ARMC9: variants seen among roughly 807,000 people sequenced by gnomAD.
ARMC9 encodes armadillo repeat containing 9.
A neutral mutation model predicts 107.0 loss-of-function variants in ARMC9; 94 were observed. The observed-to-expected ratio is 0.88, with a 90% confidence interval of 0.74 to 1.04. The LOEUF (loss-of-function observed/expected upper bound fraction) is 1.04, where lower values mean the gene tolerates loss of function less well. Ranked by LOEUF, ARMC9 falls within the 50% of genes least tolerant of loss-of-function variation. ARMC9 has a pLI of 0.00. For missense variants in ARMC9, 942 were observed against 1,030.1 expected (o/e 0.91, Z 1.17); for synonymous variants, 380 against 396.9 (o/e 0.96, Z 0.51).
chr2:231,351,076 GC>G (rs2045055881), intron 21 of ARMC9, among the ~76,000 whole-genome samples: 1 of 133,590 alleles, frequency 7.5e-6, no homozygotes, highest in African/African-American at 2.9e-5. Context: ...TCCTGCCTCA[GC>G]TTCCCGAGTA....
intron 22 of ARMC9, among the ~76,000 whole-genome samples, chr2:231,356,484 GAAAGGAAATTA>G (rs887264839): frequency 1.3e-5 from 2 of 151,988 alleles, no homozygotes; most frequent in East Asian, 3.8e-4. Context: ...TTTAATTTTT[GAAAGGAAATTA>G]AAAGGATTAT....
In ARMC9 at chr2:231,360,980, T is replaced by G; in HGVS notation, c.2261+97T>G. On this transcript the variant is annotated intron_variant, in intron 23 of 24. Transcript: ENST00000611582. This position sits in a 1 kb window ranked among gnomAD's most constrained non-coding sequence, Gnocchi z 4.7. Reference sequence around the variant, plus strand: ...AGAGCACCCAGGAGACCTGGAAGGCTCCTCTGAGGCCCAGCCTCTGACAGG... The same window carrying G: ...AGAGCACCCAGGAGACCTGGAAGGCGCCTCTGAGGCCCAGCCTCTGACAGG... 1 of 1,431,574 alleles carries G rather than the reference T, an allele frequency of 7.0e-7. No homozygotes were observed. The allele number at this position is 1,431,574 out of a possible 1,614,324, so 88.7% of individuals were successfully genotyped here. A position where few individuals can be genotyped will look rare whatever the true frequency, so the allele number is the denominator to read the frequency against.
intron 19 of ARMC9, among the ~76,000 whole-genome samples, chr2:231,308,504 A>C (rs944596087): frequency 7.2e-5 from 11 of 152,154 alleles, no homozygotes; most frequent in African/African-American, 2.4e-4. Flanking sequence ...GAGGCATGAC[A>C]TGAGTAACCA....
intron 21 of ARMC9, among the ~76,000 whole-genome samples, chr2:231,349,547 C>T (rs980875783): frequency 6.6e-6 from 1 of 151,986 alleles, no homozygotes; most frequent in Admixed American, 6.6e-5. Context: ...TTTGGGAGGC[C>T]GAGGCGGGTA....
At chr2:231,309,920 T>C (rs2042241570) in intron 19 of ARMC9, among the ~76,000 whole-genome samples, 1 of 152,182 alleles carries the variant, frequency 6.6e-6, no homozygotes, top group Non-Finnish European at 1.5e-5. Flanking sequence ...AATTGAGCCA[T>C]TTTATATCTA....
chr2:231,323,095 G>A (rs1362327346), intron 19 of ARMC9, among the ~76,000 whole-genome samples: 1 of 152,084 alleles, frequency 6.6e-6, no homozygotes, highest in East Asian at 1.9e-4. Flanking sequence ...AGGCTAAGGT[G>A]GGAGGAATGC....
rs80320788 is a variant in ARMC9, at chr2:231,266,267, G to A, written c.1119+3869G>A. ...TTTCCATTCAATAGGTCTATGGTGGGGCCCAAGGATTTGCATTTCCAACAA... is the reference window on the plus strand; with the variant it reads ...TTTCCATTCAATAGGTCTATGGTGGAGCCCAAGGATTTGCATTTCCAACAA... On this transcript the variant is annotated intron_variant, in intron 12 of 24. Coordinates refer to ENST00000611582, the MANE Select transcript of ARMC9 (RefSeq NM_001352754.2). Among the ~76,000 whole-genome samples the A allele has an allele frequency of 8.6e-4, 131 of 152,262 alleles. 3 individuals carry two copies. The East Asian group carries it at 0.022, about 26-fold the overall frequency.
intron 9 of ARMC9, 119 bp from the exon 10 acceptor site, chr2:231,256,467 A>G: frequency 7.1e-7 from 1 of 1,403,734 alleles, no homozygotes; most frequent in Non-Finnish European, 9.9e-7. Flanking sequence ...ACCAAAAAAA[A>G]AAACCCAAAA....
At chr2:231,344,884 A>T in intron 20 of ARMC9, 91 bp from the exon 21 acceptor site, 9 of 1,179,364 alleles carry the variant, frequency 7.6e-6, no homozygotes, top group Non-Finnish European at 1.1e-5. Context: ...TTATCATTAT[A>T]GAGTAGTTTA....
chr2:231,236,070 G>T (rs1296516984), intron 8 of ARMC9, among the ~76,000 whole-genome samples: 1 of 152,208 alleles, frequency 6.6e-6, no homozygotes, highest in Non-Finnish European at 1.5e-5. Context: ...TTACAGGTGT[G>T]AGCCATCACA....
chr2:231,287,636 G>C (rs966876952), intron 17 of ARMC9, among the ~76,000 whole-genome samples: 1 of 151,976 alleles, frequency 6.6e-6, no homozygotes, highest in Non-Finnish European at 1.5e-5. Context: ...TCCTGCCTCA[G>C]CCTCCCAATC....
intron 12 of ARMC9, among the ~76,000 whole-genome samples, chr2:231,263,821 A>G (rs1202858046): frequency 6.6e-6 from 1 of 152,208 alleles, no homozygotes; most frequent in Non-Finnish European, 1.5e-5. Context: ...ATGGCATTGA[A>G]TCCAGCCTAC....
chr2:231,329,600 C>T (rs946742978), intron 19 of ARMC9, among the ~76,000 whole-genome samples: 17 of 152,182 alleles, frequency 1.1e-4, no homozygotes, highest in Middle Eastern at 3.2e-3. Context: ...TGAGCCACCG[C>T]GCCCGGCAGA....
At chr2:231,338,296 G>A (rs1389943172) in intron 20 of ARMC9, among the ~76,000 whole-genome samples, 1 of 150,106 alleles carries the variant, frequency 6.7e-6, no homozygotes, top group Non-Finnish European at 1.5e-5. Flanking sequence ...TCGGCTTACT[G>A]TAGCCTCCAC....
chr2:231,262,767 A>T (rs1384100640), intron 12 of ARMC9, among the ~76,000 whole-genome samples: 1 of 152,200 alleles, frequency 6.6e-6, no homozygotes, highest in Non-Finnish European at 1.5e-5. Flanking sequence ...AAATTTCTTT[A>T]ACACAGTACT....
At chr2:231,272,929 C>T (rs2039461479) in intron 13 of ARMC9, 26 bp from the exon 14 acceptor site, 2 of 1,602,666 alleles carry the variant, frequency 1.2e-6, no homozygotes, top group South Asian at 2.2e-5. Flanking sequence ...TGTCTTTCAC[C>T]TGTTTCATCT....
At chr2:231,343,382 A>G (rs565831304) in intron 20 of ARMC9, among the ~76,000 whole-genome samples, 6 of 151,580 alleles carry the variant, frequency 4.0e-5, no homozygotes, top group Non-Finnish European at 8.8e-5. Flanking sequence ...TGAAATTCCA[A>G]TGTTCAAGAA....
chr2:231,200,889 A>T (rs1056004656), intron 1 of ARMC9, among the ~76,000 whole-genome samples: 37 of 151,452 alleles, frequency 2.4e-4, no homozygotes, highest in African/African-American at 8.7e-4. Context: ...GGGGTTTTTC[A>T]TGGAAGACTT....
chr2:231,230,987 G>A (rs558975703), intron 7 of ARMC9, among the ~76,000 whole-genome samples: 58 of 152,320 alleles, frequency 3.8e-4, no homozygotes, highest in African/African-American at 1.2e-3. Context: ...TTTCCAATAG[G>A]CTGCAGGCAG....
Sources: gnomAD v4.1 joint callset for allele counts (sites outside exome capture counted in the v4.1 genomes callset) on GRCh38, gnomAD v4.1.1 for gene constraint, Gnocchi (gnomAD v3.1) non-coding constraint, MANE v1.5 for transcripts, NCBI Gene and HGNC (gene_info 2026-07-23, HGNC 2026-07-21) for gene names.